The following KANK1 variants were observed in gnomAD, a reference collection of about 807,000 sequenced individuals.
The protein encoded by KANK1 is KN motif and ankyrin repeat domain-containing protein 1.
A neutral mutation model predicts 106.2 loss-of-function variants in KANK1; 109 were observed. The observed-to-expected ratio is 1.03, with a 90% CI of 0.88 to 1.20. KANK1 has a LOEUF of 1.20. KANK1 is among the 50% of genes most tolerant of loss of function. The probability of loss-of-function intolerance (pLI) is 0.00; values close to 1 mark genes in which losing one functional copy is unlikely to be tolerated. For synonymous variants in KANK1, 873 were observed against 652.2 expected (o/e 1.34, Z -5.16); for missense variants, 2,399 against 1,710.7 (o/e 1.40, Z -7.10).
intron 1 of KANK1, among the ~76,000 whole-genome samples, chr9:590,473 T>G (rs1017335531): frequency 6.6e-6 from 1 of 152,154 alleles, no homozygotes; most frequent in African/African-American, 2.4e-5. Context: ...GTGCTTTAGA[T>G]ATATATATGT....
At chr9:702,673 A>T (rs1352666903) in intron 2 of KANK1, among the ~76,000 whole-genome samples, 1 of 152,134 alleles carries the variant, frequency 6.6e-6, no homozygotes, top group Non-Finnish European at 1.5e-5. Flanking sequence ...CTCTTTCCCT[A>T]CGTCAGTCTC....
At chr9:613,295 C>A (rs1831007034) in intron 1 of KANK1, among the ~76,000 whole-genome samples, 1 of 150,502 alleles carries the variant, frequency 6.6e-6, no homozygotes, top group Non-Finnish European at 1.5e-5. Context: ...ATGCTGTGAA[C>A]AGCACACTAG....
chr9:486,979 TATTTAATGTA>T (rs1447180179), intron 3 of KANK1, among the ~76,000 whole-genome samples: 1 of 152,236 alleles, frequency 6.6e-6, no homozygotes, highest in Non-Finnish European at 1.5e-5. Context: ...ATGGTAATGA[TATTTAATGTA>T]ATTTAATATG....
At chr9:744,732 T>G in intron 11 of KANK1, 143 bp downstream of exon 11, 1 of 1,541,598 alleles carries the variant, frequency 6.5e-7, no homozygotes. Context: ...GAGTTCATCC[T>G]TTCCGCCTCC....
In KANK1 at chr9:535,874, C is replaced by T. The variant is rs553917559; in HGVS notation, c.-84+31120C>T. On this transcript the variant is annotated intron_variant, in intron 1 of 11. Transcript: ENST00000382297. ...CTATTAACAGGTCTGTTCAAGGCAA[C>T]GTAAACCTTTCCTACCATGTTCCTC... is the stretch of plus-strand genomic sequence containing the variant. Among the ~76,000 whole-genome samples the T allele has an allele frequency of 4.6e-5, 7 of 152,294 alleles. No homozygotes were observed. The East Asian group carries it at 9.6e-4, about 21-fold the overall frequency.
intron 8 of KANK1, among the ~76,000 whole-genome samples, chr9:739,141 G>A (rs1446787066): frequency 6.6e-6 from 1 of 152,212 alleles, no homozygotes; most frequent in Non-Finnish European, 1.5e-5. Context: ...TAGACATGAA[G>A]TGAGGGAGGG....
intron 1 of KANK1, among the ~76,000 whole-genome samples, chr9:646,870 G>GT (rs796965075): frequency 7.5e-5 from 11 of 145,984 alleles, no homozygotes; most frequent in African/African-American, 2.9e-4. Flanking sequence ...ATTTTTTTTT[G>GT]TATTTTTAGT....
intron 1 of KANK1, among the ~76,000 whole-genome samples, chr9:648,594 C>G (rs556990235): frequency 9.9e-5 from 15 of 152,226 alleles, no homozygotes; most frequent in African/African-American, 7.2e-5. Flanking sequence ...ATCGTACTTG[C>G]AAAGCTTAAA....
rs575584723 is a variant in KANK1 at position 700,410 on chromosome 9, C to T, written c.38-10394C>T. ...CACCTGCTAAACCCGTTCAGAAGGACGCTGTTGTACTTCGCTGTCTTCTTA... is the reference window on the plus strand; with the variant it reads ...CACCTGCTAAACCCGTTCAGAAGGATGCTGTTGTACTTCGCTGTCTTCTTA... On this transcript the variant is annotated intron_variant, in intron 2 of 11. Transcript: ENST00000382297. Among the ~76,000 whole-genome samples the T allele has an allele frequency of 7.7e-4, 117 of 152,300 alleles. 1 individual carries two copies. The highest frequency in any genetic ancestry group is 1.9e-3 in the African/African-American group (81 of 41,546).
intron 1 of KANK1, among the ~76,000 whole-genome samples, chr9:590,484 A>G (rs1047271605): frequency 6.6e-6 from 1 of 152,130 alleles, no homozygotes; most frequent in African/African-American, 2.4e-5. Flanking sequence ...ATATATATGT[A>G]TATTTTTGCT....
chr9:635,122 G>T (rs750180570), intron 1 of KANK1, among the ~76,000 whole-genome samples: 3 of 152,124 alleles, frequency 2.0e-5, no homozygotes, highest in Non-Finnish European at 4.4e-5. Context: ...GGGGGAACAG[G>T]TGGAGAGTCA....
intron 1 of KANK1, among the ~76,000 whole-genome samples, chr9:549,958 C>T (rs1355382291): frequency 6.6e-6 from 1 of 151,982 alleles, no homozygotes; most frequent in Non-Finnish European, 1.5e-5. Flanking sequence ...CAGAAAGTTC[C>T]CTAGGGTAAT....
At chr9:487,706 C>G (rs940905931) in intron 3 of KANK1, 2 of 152,190 alleles carry the variant, frequency 1.3e-5, no homozygotes, top group African/African-American at 4.8e-5. Context: ...GGGTAGATAA[C>G]TAGAAAAACA....
chr9:623,282 A>G (rs1833583244), intron 1 of KANK1, among the ~76,000 whole-genome samples: 1 of 152,104 alleles, frequency 6.6e-6, no homozygotes, highest in Admixed American at 6.5e-5. Context: ...ACACACAAAT[A>G]GCCAACAGGT....
chr9:494,234 G>T lies in KANK1; in HGVS notation c.-362+20961G>T, dbSNP rs116619388. ...AATATAAAGAATTTATTGGGCTCAA[G>T]CCCAATTCTATCATTTTTGATCTTT... On this transcript the variant is annotated intron_variant, in intron 3 of 15. Coordinates refer to the KANK1 transcript ENST00000382303. 7.0e-3 allele frequency among the ~76,000 whole-genome samples: 1,062 copies of T among 152,294 alleles called. 19 individuals are homozygous for T. Among genetic ancestry groups the T allele is most frequent in the African/African-American group, 0.023 (968 of 41,546 alleles).
Position 471,276 on chromosome 9 carries a change from G to A in KANK1, c.-442+594G>A, listed in dbSNP as rs552984804. On this transcript the variant is annotated intron_variant, in intron 2 of 15. Transcript: ENST00000382303. ...TGAGTGGAATGTGCAGGAAGGGACC[G>A]AGGAGGGGCACTATGTACTGGAGAA... Among the ~76,000 whole-genome samples, 6 of 152,292 alleles carry A rather than the reference G, an allele frequency of 3.9e-5. No individual in the cohort carries two copies. In the East Asian group the frequency reaches 9.6e-4, roughly 24 times the overall value.
At chr9:675,423 T>G (rs544328399) in intron 1 of KANK1, among the ~76,000 whole-genome samples, 36 of 152,328 alleles carry the variant, frequency 2.4e-4, no homozygotes, top group African/African-American at 8.2e-4. Flanking sequence ...AAATGGGATT[T>G]CTATATGTAC....
chr9:549,073 TTC>T (rs2061110619), intron 1 of KANK1: 1 of 152,100 alleles, frequency 6.6e-6, no homozygotes, highest in African/African-American at 2.4e-5. Flanking sequence ...ATTCTAAAGT[TTC>T]TTTTCTTTTT....
At position 561,315 on chromosome 9, in the gene KANK1, A is replaced by G. The variant is rs140295349; in HGVS notation, c.-84+56561A>G. On this transcript the variant is annotated intron_variant, in intron 1 of 11. Coordinates refer to ENST00000382297, the MANE Select transcript of KANK1 (RefSeq NM_015158.5). ...ATACTATTTAGTAATCACTTTTTTC[A>G]CTTGATAGAGCATGTATATCTTATG... is the stretch of plus-strand genomic sequence containing the variant. 4.0e-3 allele frequency among the ~76,000 whole-genome samples: 607 copies of G among 152,256 alleles called. 11 individuals are homozygous for G. The highest frequency in any genetic ancestry group is 0.014 in the African/African-American group (597 of 41,546).
Sources: gnomAD v4.1 joint callset for allele counts (sites outside exome capture counted in the v4.1 genomes callset) on GRCh38, gnomAD v4.1.1 for gene constraint, MANE v1.5 for transcripts, NCBI Gene and HGNC (gene_info 2026-07-23, HGNC 2026-07-21) for gene names.